CELSR1: variants seen among roughly 807,000 people sequenced by gnomAD.
CELSR1 encodes the protein cadherin EGF LAG seven-pass G-type receptor 1.
A neutral mutation model predicts 249.1 loss-of-function variants in CELSR1; 110 were observed. The observed-to-expected ratio is 0.44, with a 90% confidence interval of 0.38 to 0.52. The LOEUF is 0.52. Among genes scored for constraint, CELSR1 ranks in the 20% least tolerant of loss-of-function variants. CELSR1 has a pLI of 0.00. For missense variants in CELSR1, 4,109 were observed against 4,296.4 expected, an observed-to-expected ratio of 0.96 and a Z score of 1.22; for synonymous variants, 2,113 against 1,900.0, an observed-to-expected ratio of 1.11 and a Z score of -2.92.
At chr22:46,485,552 A>C (rs2098747448) in intron 1 of CELSR1, among the ~76,000 whole-genome samples, 1 of 152,254 alleles carries the variant, frequency 6.6e-6, no homozygotes, top group African/African-American at 2.4e-5. Context: ...CCGGGAGAGA[A>C]GTGAACGTCA....
chr22:46,469,999 G>GAGGAGGGGAGGGAGGGAGGAT (rs1351904268), intron 1 of CELSR1, among the ~76,000 whole-genome samples: 2 of 134,640 alleles, frequency 1.5e-5, no homozygotes, highest in Non-Finnish European at 3.3e-5. Context: ...AGGGAGGGAG[G>GAGGAGGGGAGGGAGGGAGGAT]GAGAGGCAAA....
chr22:46,528,468 G>A (rs1478983483), intron 1 of CELSR1, among the ~76,000 whole-genome samples: 1 of 152,164 alleles, frequency 6.6e-6, no homozygotes, highest in Non-Finnish European at 1.5e-5. Context: ...AGCAGGAGAG[G>A]CAGGGACATC....
chr22:46,428,292 G>A lies in CELSR1; in HGVS notation c.4611+5101C>T, dbSNP rs1397652338. On this transcript the variant is annotated intron_variant, in intron 5 of 34. Transcript: ENST00000674500. The surrounding 1 kb of genome is among the most constrained non-coding windows in gnomAD (Gnocchi z 5.7). Reference sequence around the variant, plus strand: ...AGAGTCCCAAGGACTCCAGCAGCCAGCTCAGGCATGGGGCTTCATTGCGTG... The same window carrying A: ...AGAGTCCCAAGGACTCCAGCAGCCAACTCAGGCATGGGGCTTCATTGCGTG... Among the ~76,000 whole-genome samples, 1 of 152,262 alleles carries A rather than the reference G, an allele frequency of 6.6e-6. No homozygotes were observed. Among genetic ancestry groups the A allele is most frequent in the Non-Finnish European group, 1.5e-5 (1 of 68,046 alleles).
chr22:46,493,409 G>A (rs2080385892), intron 1 of CELSR1, among the ~76,000 whole-genome samples: 1 of 151,980 alleles, frequency 6.6e-6, no homozygotes, highest in Admixed American at 6.6e-5. Context: ...AGCTGGGTGT[G>A]GTGGTGGGCA....
In CELSR1 at chr22:46,427,190, T is replaced by C. The variant is rs2079546655; in HGVS notation, c.4611+6203A>G. Among the ~76,000 whole-genome samples the C allele has an allele frequency of 6.6e-6, 1 of 152,082 alleles. No homozygotes were observed. The highest frequency in any genetic ancestry group is 2.1e-4 in the South Asian group (1 of 4,818). On this transcript the variant is annotated intron_variant, in intron 5 of 34. Transcript: ENST00000674500. This position sits in a 1 kb window ranked among gnomAD's most constrained non-coding sequence, Gnocchi z 4.2. ...CTGGGAGTGAGACACCCCAAAGCAA[T>C]GAGCACACCAAGCACCCAGATCTGG...
At chr22:46,384,514 G>T in intron 20 of CELSR1, 29 bp downstream of exon 20, 1 of 1,564,438 alleles carries the variant, frequency 6.4e-7, no homozygotes, top group Non-Finnish European at 8.7e-7. Context: ...GGACTCCGAG[G>T]GCAGCAGCAG....
At chr22:46,432,059 T>C (rs1275257004) in intron 5 of CELSR1, among the ~76,000 whole-genome samples, 6 of 152,116 alleles carry the variant, frequency 3.9e-5, no homozygotes, top group African/African-American at 1.2e-4. Flanking sequence ...TCCTCCCAAA[T>C]GAGGCTCAAG....
Position 46,364,037 on chromosome 22 carries a change from A to G in CELSR1, c.8994T>C (p.Asn2998=), listed in dbSNP as rs28372531. The change falls in exon 34 of 35, where the codon AAT becomes AAC. Residue 2998 remains asparagine (N), a synonymous_variant. Transcript: ENST00000674500. ...GRDHLNGVAM[N]VRTGSAQADG... Reference sequence around the variant, plus strand: ...CGGCCTGGGCGCTCCCAGTGCGCACATTCATGGCCACCCCGTTGAGGTGGT... The same window carrying G: ...CGGCCTGGGCGCTCCCAGTGCGCACGTTCATGGCCACCCCGTTGAGGTGGT... 19,518 of 1,611,304 alleles carry G rather than the reference A, an allele frequency of 0.012. 1,874 individuals carry two copies. The African/African-American group carries it at 0.22, about 18-fold the overall frequency.
chr22:46,401,135 T>TG lies in CELSR1; in HGVS notation c.5227-1234_5227-1233insC, dbSNP rs913977918. 2.6e-5 allele frequency among the ~76,000 whole-genome samples: 4 copies of TG among 152,160 alleles called. No homozygotes were observed. The highest frequency in any genetic ancestry group is 4.4e-5 in the Non-Finnish European group (3 of 68,030). On this transcript the variant is annotated intron_variant, in intron 9 of 34. Transcript: ENST00000674500. This position sits in a 1 kb window ranked among gnomAD's most constrained non-coding sequence, Gnocchi z 4.7. Reference sequence around the variant, plus strand: ...TGGGACCCAGCTCGATTCAGGTAACTACTGGGCTCCTATTTTTGGATGTAA... The same window carrying TG: ...TGGGACCCAGCTCGATTCAGGTAACTGACTGGGCTCCTATTTTTGGATGTAA...
At chr22:46,388,498 G>T (rs1293171232) in intron 18 of CELSR1, among the ~76,000 whole-genome samples, 1 of 151,434 alleles carries the variant, frequency 6.6e-6, no homozygotes, top group African/African-American at 2.4e-5. Context: ...GCCTTATGCA[G>T]ACTAGAAGGT....
intron 20 of CELSR1, among the ~76,000 whole-genome samples, chr22:46,383,322 C>CT (rs1457845897): frequency 6.6e-6 from 1 of 152,138 alleles, no homozygotes; most frequent in African/African-American, 2.4e-5. Flanking sequence ...TTTTCACGTC[C>CT]TTTTTATTTG....
Position 46,409,229 on chromosome 22 carries a change from G to T in CELSR1, c.5060-67C>A. On this transcript the variant is annotated intron_variant, in intron 8 of 34. Coordinates refer to ENST00000674500, the MANE Select transcript of CELSR1 (RefSeq NM_001378328.1). The surrounding 1 kb of genome is among the most constrained non-coding windows in gnomAD (Gnocchi z 9.8). ...CACACGGCCGCGGACTTGGCTGCAG[G>T]GGCGGGGGATGGGCCTGCAGGCTAG... The T allele has an allele frequency of 6.4e-7, 1 of 1,561,186 alleles. No individual in the cohort carries two copies. The highest frequency in any genetic ancestry group is 8.7e-7 in the Non-Finnish European group (1 of 1,145,570).
chr22:46,450,463 G>A lies in CELSR1; in HGVS notation c.4184-11052C>T, dbSNP rs150694218. ...TTTCACAGCAACCTCCTCCAGAGGTGAGCACAGTCCACACATGACCTTCCC... is the reference window on the plus strand; with the variant it reads ...TTTCACAGCAACCTCCTCCAGAGGTAAGCACAGTCCACACATGACCTTCCC... On this transcript the variant is annotated intron_variant, in intron 2 of 34. Coordinates refer to ENST00000674500, the MANE Select transcript of CELSR1 (RefSeq NM_001378328.1). 2.9e-3 allele frequency among the ~76,000 whole-genome samples: 442 copies of A among 152,362 alleles called. 3 individuals carry two copies. Among genetic ancestry groups the A allele is most frequent in the African/African-American group, 0.01 (428 of 41,592 alleles).
chr22:46,368,206 C>G (rs976786068), intron 27 of CELSR1, among the ~76,000 whole-genome samples: 2 of 152,164 alleles, frequency 1.3e-5, no homozygotes, highest in Non-Finnish European at 2.9e-5. Flanking sequence ...GAGGAAGAGC[C>G]CAGGACCTGC....
At position 46,490,844 on chromosome 22, in the gene CELSR1, G is replaced by C. The variant is rs1387095766; in HGVS notation, c.3545-26499C>G. On this transcript the variant is annotated intron_variant, in intron 1 of 34. Transcript: ENST00000674500. This position sits in a 1 kb window ranked among gnomAD's most constrained non-coding sequence, Gnocchi z 5.2. Reference sequence around the variant, plus strand: ...GGGGCTGCTGCACGTGCCGCACCCTGATCCTCCAGGCAGTCCAAATGGCCA... The same window carrying C: ...GGGGCTGCTGCACGTGCCGCACCCTCATCCTCCAGGCAGTCCAAATGGCCA... Among the ~76,000 whole-genome samples, 1 of 152,174 alleles carries C rather than the reference G, an allele frequency of 6.6e-6. No individual in the cohort carries two copies.
intron 1 of CELSR1, among the ~76,000 whole-genome samples, chr22:46,475,818 A>G (rs538970282): frequency 9.8e-5 from 15 of 152,304 alleles, no homozygotes; most frequent in South Asian, 8.3e-4. Context: ...AATAAAGCTC[A>G]TATCCTAAGG....
In CELSR1 at chr22:46,365,524, A is replaced by T. The variant is rs1602019574; in HGVS notation, c.8404+62T>A. The T allele has an allele frequency of 1.9e-6, 3 of 1,542,598 alleles. No homozygotes were observed. The East Asian group carries it at 7.2e-5, about 37-fold the overall frequency. ...GTGCTTCTTCAGGGGCAGTCTGTCC[A>T]GTGACCGAAGGGACGTGGGAAAAAC... On this transcript the variant is annotated intron_variant, in intron 31 of 34. Transcript: ENST00000674500.
At chr22:46,420,315 T>TGTGCACTC (rs149854026) in intron 5 of CELSR1, among the ~76,000 whole-genome samples, 16,967 of 151,052 alleles carry the variant, frequency 0.11, 1,707 homozygotes, top group African/African-American at 0.27. Context: ...TGCACTCACG[T>TGTGCACTC]ATGCACTCAC....
chr22:46,423,307 T>G lies in CELSR1; in HGVS notation c.4611+10086A>C, dbSNP rs1384045291. ...ACTGCATCACCAGGAATAATAAATA[T>G]CTGATCAAGACTCCATGCTGGCCAG... On this transcript the variant is annotated intron_variant, in intron 5 of 34. Transcript: ENST00000674500. The surrounding 1 kb of genome is among the most constrained non-coding windows in gnomAD (Gnocchi z 5.6). Among the ~76,000 whole-genome samples, 1 of 152,098 alleles carries G rather than the reference T, an allele frequency of 6.6e-6. No homozygotes were observed. The highest frequency in any genetic ancestry group is 6.5e-5 in the Admixed American group (1 of 15,270).
Sources: gnomAD v4.1 joint callset for allele counts (sites outside exome capture counted in the v4.1 genomes callset) on GRCh38, gnomAD v4.1.1 for gene constraint, Gnocchi (gnomAD v3.1) non-coding constraint, MANE v1.5 for transcripts, NCBI Gene and HGNC (gene_info 2026-07-23, HGNC 2026-07-21) for gene names.